Variants in OSBPL9 observed in about 807,000 individuals in gnomAD.
OSBPL9 encodes oxysterol-binding protein-related protein 9.
OSBPL9 carries 40 observed loss-of-function variants against 106.6 expected under a neutral mutation model. The observed-to-expected ratio is 0.38, with a 90% CI of 0.29 to 0.49. The LOEUF (loss-of-function observed/expected upper bound fraction) is 0.49, where lower values mean the gene tolerates loss of function less well. OSBPL9 is among the 20% of genes least tolerant of loss of function. The probability of loss-of-function intolerance (pLI) is 0.97; values close to 1 mark genes in which losing one functional copy is unlikely to be tolerated. For synonymous variants in OSBPL9, 269 were observed against 295.4 expected, an observed-to-expected ratio of 0.91 and a Z score of 0.92; for missense variants, 609 against 887.2, an observed-to-expected ratio of 0.69 and a Z score of 3.98.
chr1:51,778,610 T>C (rs1206575640), intron 15 of OSBPL9, among the ~76,000 whole-genome samples: 1 of 152,166 alleles, frequency 6.6e-6, no homozygotes, highest in African/African-American at 2.4e-5. Flanking sequence ...ATGTACCTAA[T>C]AACACAGCTT....
chr1:51,785,632 TTGA>T (rs1677426689), intron 20 of OSBPL9, 173 bp from the exon 21 acceptor site: 1 of 576,298 alleles, frequency 1.7e-6, no homozygotes, highest in South Asian at 2.1e-5. Flanking sequence ...AAGCGTCCTG[TTGA>T]AGGCCCTCAT....
chr1:51,587,784 T>C (rs945102668), intron 1 of OSBPL9, among the ~76,000 whole-genome samples: 12 of 152,234 alleles, frequency 7.9e-5, no homozygotes, highest in African/African-American at 2.9e-4. Flanking sequence ...TCAGCCAGAA[T>C]TCTCCAAAAT....
At chr1:51,536,451 G>T in the OSBPL9 span, among the ~76,000 whole-genome samples, 1 of 152,026 alleles carries the variant, frequency 6.6e-6, no homozygotes, top group African/African-American at 2.4e-5. Flanking sequence ...AGCTAGTACC[G>T]CAGGCACGCA....
intron 8 of OSBPL9, among the ~76,000 whole-genome samples, chr1:51,754,738 A>G (rs1324616540): frequency 6.6e-6 from 1 of 152,218 alleles, no homozygotes; most frequent in East Asian, 1.9e-4. Context: ...TTATTTCAAC[A>G]TGTAATCAGT....
In OSBPL9 at chr1:51,702,441, GTCT is replaced by G. The variant is rs1657493694; in HGVS notation, c.242-11557_242-11555del. Reference sequence around the variant, plus strand: ...TCACGTGTCTGTTGGCTGCATAAATGTCTTCTTTTGAGAAGTGTCTGTTCATAT... The same window carrying G: ...TCACGTGTCTGTTGGCTGCATAAATGTCTTTTGAGAAGTGTCTGTTCATAT... On this transcript the variant is annotated intron_variant, in intron 3 of 23. Transcript: ENST00000428468. 2.0e-5 allele frequency among the ~76,000 whole-genome samples: 3 copies of G among 152,122 alleles called. 1 individual carries two copies. The South Asian group carries it at 6.2e-4, about 32-fold the overall frequency.
Position 51,765,934 on chromosome 1 carries a change from T to C in OSBPL9, c.891T>C (p.Asp297=). ...CCAGCAGTGAAGATGAATTTTATGATGCTGATGAATTCCATCAAAGTGGCT... is the reference window on the plus strand; with the variant it reads ...CCAGCAGTGAAGATGAATTTTATGACGCTGATGAATTCCATCAAAGTGGCT... ...SYSSSEDEFY[D]ADEFHQSGSS... is the part of the protein sequence containing the mutation. Residue 297 remains aspartate, a synonymous_variant, in exon 12 of 24, where the codon GAT becomes GAC. Coordinates refer to ENST00000428468, the MANE Select transcript of OSBPL9 (RefSeq NM_024586.6). The C allele has an allele frequency of 6.2e-7, 1 of 1,614,106 alleles. No individual in the cohort carries two copies. Among genetic ancestry groups the C allele is most frequent in the South Asian group, 1.1e-5 (1 of 91,078 alleles).
At chr1:51,706,830 C>T (rs1368700945) in intron 3 of OSBPL9, among the ~76,000 whole-genome samples, 3 of 151,876 alleles carry the variant, frequency 2.0e-5, no homozygotes, top group Non-Finnish European at 2.9e-5. Context: ...TTTTTCCTGA[C>T]CTATGGATTA....
chr1:51,576,885 C>A (rs1293310435), upstream of OSBPL9, among the ~76,000 whole-genome samples: 1 of 152,096 alleles, frequency 6.6e-6, no homozygotes, highest in Non-Finnish European at 1.5e-5. Flanking sequence ...GAGATTTGAA[C>A]CCAAATCTGA....
At chr1:51,564,631 G>A in the OSBPL9 span, among the ~76,000 whole-genome samples, 4 of 152,206 alleles carry the variant, frequency 2.6e-5, no homozygotes, top group African/African-American at 7.2e-5. Flanking sequence ...AGGCTTCTAT[G>A]CCAGCCCACC....
chr1:51,554,504 A>G, the OSBPL9 span, among the ~76,000 whole-genome samples: 1 of 152,304 alleles, frequency 6.6e-6, no homozygotes, highest in African/African-American at 2.4e-5. Context: ...CAGTTCCTAC[A>G]CCTGAAAAAT....
chr1:51,589,145 G>C (rs1235073426), intron 1 of OSBPL9, among the ~76,000 whole-genome samples: 1 of 151,678 alleles, frequency 6.6e-6, no homozygotes, highest in Non-Finnish European at 1.5e-5. Context: ...CTGGAGTGCA[G>C]TGGCACGATC....
intron 2 of OSBPL9, among the ~76,000 whole-genome samples, chr1:51,610,004 C>A (rs1341345481): frequency 6.6e-6 from 1 of 152,024 alleles, no homozygotes. Context: ...GCCTCGGCCT[C>A]CCAAAGTGCT....
At chr1:51,559,003 G>A in the OSBPL9 span, among the ~76,000 whole-genome samples, 1 of 152,166 alleles carries the variant, frequency 6.6e-6, no homozygotes, top group African/African-American at 2.4e-5. Flanking sequence ...TAAAAACAAT[G>A]CAGTCACTTC....
At chr1:51,522,425 G>A in the OSBPL9 span, among the ~76,000 whole-genome samples, 1 of 152,180 alleles carries the variant, frequency 6.6e-6, no homozygotes, top group Non-Finnish European at 1.5e-5. Flanking sequence ...ATGGGAGATG[G>A]GAGCATGTCT....
chr1:51,582,481 C>T (rs892990566), intron 1 of OSBPL9, among the ~76,000 whole-genome samples: 1 of 152,112 alleles, frequency 6.6e-6, no homozygotes, highest in Non-Finnish European at 1.5e-5. Context: ...GCACGCACCA[C>T]CATGCATGGC....
At chr1:51,646,098 G>T (rs1646137026) in intron 1 of OSBPL9, among the ~76,000 whole-genome samples, 2 of 152,026 alleles carry the variant, frequency 1.3e-5, no homozygotes, top group Admixed American at 1.3e-4. Context: ...GCTATTCTGG[G>T]TCCCTTGCAA....
At chr1:51,546,603 A>T in the OSBPL9 span, among the ~76,000 whole-genome samples, 1 of 151,896 alleles carries the variant, frequency 6.6e-6, no homozygotes, top group Non-Finnish European at 1.5e-5. Context: ...AGGCTGAGAC[A>T]GGAGAATGGC....
upstream of OSBPL9, among the ~76,000 whole-genome samples, chr1:51,615,419 A>T (rs933452377): frequency 3.3e-5 from 5 of 152,120 alleles, no homozygotes; most frequent in African/African-American, 7.2e-5. Flanking sequence ...CAACCTTTGC[A>T]CTTGGGCTTG....
At chr1:51,572,987 G>A (rs961207862), upstream of OSBPL9, among the ~76,000 whole-genome samples, 23 of 152,134 alleles carry the variant, frequency 1.5e-4, no homozygotes, top group African/African-American at 5.3e-4. Flanking sequence ...TGAGGTGAGC[G>A]GATCACCTGA....
Sources: gnomAD v4.1 joint callset for allele counts (sites outside exome capture counted in the v4.1 genomes callset) on GRCh38, gnomAD v4.1.1 for gene constraint, MANE v1.5 for transcripts, NCBI Gene and HGNC (gene_info 2026-07-23, HGNC 2026-07-21) for gene names.